INSIG1: variants seen among roughly 807,000 people sequenced by gnomAD.
INSIG1 encodes insulin induced gene 1.
INSIG1 carries 14 observed loss-of-function variants against 26.5 expected under a neutral mutation model. That is an observed-to-expected ratio of 0.53 (90% CI 0.35 to 0.83). The LOEUF (loss-of-function observed/expected upper bound fraction) is 0.83, where lower values mean the gene tolerates loss of function less well. INSIG1 is among the 40% of genes least tolerant of loss of function. INSIG1 has a pLI of 0.01. For synonymous variants in INSIG1, 147 were observed against 153.3 expected (o/e 0.96, Z 0.30); for missense variants, 272 against 368.9 (o/e 0.74, Z 2.15).
intron 5 of INSIG1, among the ~76,000 whole-genome samples, chr7:155,305,985 CTTTT>C (rs1465786747): frequency 6.6e-6 from 1 of 152,008 alleles, no homozygotes; most frequent in African/African-American, 2.4e-5. Context: ...TTTTTGTTTG[CTTTT>C]TGTTTGTTTT....
intron 5 of INSIG1, among the ~76,000 whole-genome samples, chr7:155,306,919 A>G (rs897277166): frequency 4.6e-5 from 7 of 152,228 alleles, no homozygotes; most frequent in African/African-American, 1.7e-4. Context: ...TCCCTGTGCC[A>G]CGTGTCAGGT....
rs774720517 is a variant in INSIG1, at chr7:155,302,201, T to C, written c.538-50T>C. ...TTTAACCCTTGTGGTTTTACGTTTT[T>C]TTATCTTAATAAGAGTCAGCAAACT... On this transcript the variant is annotated intron_variant, in intron 3 of 5. Transcript: ENST00000340368. This position sits in a 1 kb window ranked among gnomAD's most constrained non-coding sequence, Gnocchi z 4.3. The C allele has an allele frequency of 5.5e-6, 8 of 1,461,410 alleles. No individual in the cohort carries two copies. In the African/African-American group the frequency reaches 1.2e-4, roughly 21 times the overall value. The allele number at this position is 1,461,410 out of a possible 1,614,324, so 90.5% of individuals were successfully genotyped here. A position where few individuals can be genotyped will look rare whatever the true frequency, so the allele number is the denominator to read the frequency against.
intron 1 of INSIG1, 144 bp from the exon 2 acceptor site, chr7:155,298,115 C>T (rs1797669487): frequency 5.3e-6 from 3 of 570,664 alleles, no homozygotes; most frequent in Non-Finnish European, 2.7e-6. Context: ...GGGTCCCGTC[C>T]GCCGCTGGCC....
intron 2 of INSIG1, among the ~76,000 whole-genome samples, chr7:155,300,273 A>C (rs935912487): frequency 6.6e-6 from 1 of 152,074 alleles, no homozygotes; most frequent in Admixed American, 6.5e-5. Context: ...CTCATATTCT[A>C]CTTTTTTTTA....
chr7:155,300,020 A>T (rs1797741196), intron 2 of INSIG1, among the ~76,000 whole-genome samples: 1 of 152,138 alleles, frequency 6.6e-6, no homozygotes, highest in Non-Finnish European at 1.5e-5. Flanking sequence ...GAATGTTTTC[A>T]TATTTGTTCT....
chr7:155,305,618 A>G (rs1797916656), intron 5 of INSIG1, among the ~76,000 whole-genome samples: 1 of 152,226 alleles, frequency 6.6e-6, no homozygotes, highest in South Asian at 2.1e-4. Flanking sequence ...AGTTGTTGAC[A>G]GTCTGAAGGT....
intron 5 of INSIG1, chr7:155,303,973 T>C: frequency 1.8e-6 from 1 of 547,020 alleles, no homozygotes; most frequent in Non-Finnish European, 2.7e-6. Context: ...GGACTTTGCT[T>C]GCCTTTTTTT....
chr7:155,306,126 A>G (rs1046301971), intron 5 of INSIG1, among the ~76,000 whole-genome samples: 5 of 152,052 alleles, frequency 3.3e-5, no homozygotes, highest in Non-Finnish European at 7.4e-5. Context: ...CAGCCTCCCA[A>G]GTAGCTGGGA....
Position 155,302,310 on chromosome 7 carries a change from C to G in INSIG1, c.597C>G (p.Gly199=), listed in dbSNP as rs566604081. The G allele has an allele frequency of 3.7e-6, 6 of 1,607,720 alleles. No individual in the cohort carries two copies. The highest frequency in any genetic ancestry group is 2.3e-5 in the East Asian group (1 of 44,442). The change falls in exon 4 of 6, where the codon GGC becomes GGG. Residue 199 remains glycine (G), a synonymous_variant. Transcript: ENST00000340368. This position sits in a 1 kb window ranked among gnomAD's most constrained non-coding sequence, Gnocchi z 4.3. ...TGACTTTAGCAGCCCTATCTTTGGG[C>G]CTTTGGTGGACATTTGATCGTTCCA... ...LSLTLAALSL[G]LWWTFDRSRS...
chr7:155,308,738 TAAA>T lies in INSIG1; in HGVS notation c.*477_*479del, dbSNP rs11323287. 6.7e-6 allele frequency: 1 copy of T among 149,996 alleles called. No homozygotes were observed. The highest frequency in any genetic ancestry group is 2.5e-5 in the African/African-American group (1 of 40,052). 9.3% of individuals were successfully genotyped at this position (149,996 alleles called of 1,614,324 possible). The stretch of plus-strand genomic sequence containing the variant: ...AGATTTTTAAAAATAGGGCTGTGTT[TAAA>T]AAAAAAAACAAAACAAGAAAAGCAG... On this transcript the variant is annotated 3_prime_UTR_variant, in exon 6 of 6. Coordinates refer to ENST00000340368, the MANE Select transcript of INSIG1 (RefSeq NM_005542.6).
intron 5 of INSIG1, among the ~76,000 whole-genome samples, chr7:155,305,136 A>G (rs1298939177): frequency 7.0e-6 from 1 of 143,834 alleles, no homozygotes; most frequent in East Asian, 2.1e-4. Flanking sequence ...ACAGAGCAAG[A>G]CTCTGTCTCA....
chr7:155,298,319 T>C lies in INSIG1; in HGVS notation c.34T>C (p.Ser12Pro). ...PRLHDHFWSC[S>P]CAHSARRRGP... ...ATTGCACGACCACTTCTGGAGCTGC[T>C]CCTGTGCGCACAGCGCGAGGCGCCG... is the stretch of plus-strand genomic sequence containing the variant. The change falls in exon 2 of 6, where the codon TCC (serine) becomes CCC (proline). Residue 12 changes from serine (S) to proline (P), a missense_variant. Physicochemically the swap from Ser to Pro is moderately conservative, Grantham distance 74. This residue lies in a region of INSIG1 where 161 missense variants were observed against 179.2 expected (regional missense o/e 0.90). Transcript: ENST00000340368. 1 of 1,508,618 alleles carries C rather than the reference T, an allele frequency of 6.6e-7. No individual in the cohort carries two copies. The highest frequency in any genetic ancestry group is 8.8e-7 in the Non-Finnish European group (1 of 1,137,262). 93.5% of individuals were successfully genotyped at this position (1,508,618 alleles called of 1,614,324 possible).
chr7:155,299,696 G>T (rs9767875), intron 2 of INSIG1, among the ~76,000 whole-genome samples: 22,549 of 152,198 alleles, frequency 0.15, 1,775 homozygotes, highest in East Asian at 0.31. Flanking sequence ...TTTGTCAGCT[G>T]ACTGCTGACC....
rs1798023220 is a variant in INSIG1, at chr7:155,309,340, T to C, written c.*1070T>C. 6.6e-6 allele frequency: 1 copy of C among 152,630 alleles called. No homozygotes were observed. The allele number at this position is 152,630 out of a possible 1,614,324, so 9.5% of individuals were successfully genotyped here. On this transcript the variant is annotated 3_prime_UTR_variant, in exon 6 of 6. Coordinates refer to ENST00000340368, the MANE Select transcript of INSIG1 (RefSeq NM_005542.6). ...CAATCTGAGCCTTGTATCTCTTAAA[T>C]ATTTATTTTTTTTAACGTGTGAGAT...
At position 155,309,273 on chromosome 7, in the gene INSIG1, A is replaced by G. The variant is rs1354838835; in HGVS notation, c.*1003A>G. 6.6e-6 allele frequency: 1 copy of G among 152,594 alleles called. No homozygotes were observed. Among genetic ancestry groups the G allele is most frequent in the Non-Finnish European group, 1.5e-5 (1 of 68,034 alleles). The allele number at this position is 152,594 out of a possible 1,614,324, so 9.5% of individuals were successfully genotyped here. ...ATAGACCATACCAGACCTAATTTGC[A>G]AGTATTGGGTCTTAAACTTCAAGTG... On this transcript the variant is annotated 3_prime_UTR_variant, in exon 6 of 6. Coordinates refer to ENST00000340368, the MANE Select transcript of INSIG1 (RefSeq NM_005542.6).
Position 155,302,301 on chromosome 7 carries a change from A to C in INSIG1, c.588A>C (p.Leu196=). ...AGCTGTCCTTGACTTTAGCAGCCCT[A>C]TCTTTGGGCCTTTGGTGGACATTTG... ...NVQLSLTLAA[L]SLGLWWTFDR... The change falls in exon 4 of 6, where the codon CTA becomes CTC. Residue 196 remains leucine, a synonymous_variant. Transcript: ENST00000340368. The surrounding 1 kb of genome is among the most constrained non-coding windows in gnomAD (Gnocchi z 4.3). The C allele has an allele frequency of 6.2e-7, 1 of 1,606,510 alleles. No homozygotes were observed. The highest frequency in any genetic ancestry group is 1.1e-5 in the South Asian group (1 of 89,658).
In INSIG1 at chr7:155,302,379, G is replaced by A. The variant is rs562345271; in HGVS notation, c.666G>A (p.Thr222=). ...GLGITIAFLA[T]LITQFLVYNG... ...GGATCACCATAGCTTTTCTAGCTAC[G>A]CTGATCACGCAGTTTCTCGTGTATA... is the stretch of plus-strand genomic sequence containing the variant. The change falls in exon 4 of 6, where the codon ACG becomes ACA. Residue 222 remains threonine (T), a synonymous_variant. Coordinates refer to ENST00000340368, the MANE Select transcript of INSIG1 (RefSeq NM_005542.6). The surrounding 1 kb of genome is among the most constrained non-coding windows in gnomAD (Gnocchi z 4.3). 8 of 1,609,080 alleles carry A rather than the reference G, an allele frequency of 5.0e-6. No homozygotes were observed. In the African/African-American group the frequency reaches 5.4e-5, roughly 11 times the overall value.
chr7:155,298,295 T>C lies in INSIG1; in HGVS notation c.10T>C (p.Leu4=), dbSNP rs764575142. The C allele has an allele frequency of 4.0e-6, 6 of 1,488,910 alleles. No individual in the cohort carries two copies. The highest frequency in any genetic ancestry group is 5.3e-6 in the Non-Finnish European group (6 of 1,125,472). 92.2% of individuals were successfully genotyped at this position (1,488,910 alleles called of 1,614,324 possible). Residue 4 remains leucine, a synonymous_variant, in exon 2 of 6, where the codon TTG becomes CTG. Coordinates refer to ENST00000340368, the MANE Select transcript of INSIG1 (RefSeq NM_005542.6). MPR[L]HDHFWSCSCA... is the part of the protein sequence containing the mutation. ...TGGACGCGTGTGACCGATGCCCAGA[T>C]TGCACGACCACTTCTGGAGCTGCTC...
intron 5 of INSIG1, chr7:155,303,965 A>C: frequency 1.5e-6 from 1 of 673,002 alleles, no homozygotes; most frequent in Non-Finnish European, 2.2e-6. Flanking sequence ...AGAAGAAAGG[A>C]CTTTGCTTGC....
Sources: gnomAD v4.1 joint callset for allele counts (sites outside exome capture counted in the v4.1 genomes callset) on GRCh38, gnomAD v4.1.1 for gene constraint, gnomAD v4.1.1 regional missense constraint, Gnocchi (gnomAD v3.1) non-coding constraint, MANE v1.5 for transcripts, NCBI Gene and HGNC (gene_info 2026-07-23, HGNC 2026-07-21) for gene names.